Variants in ABCA13 observed in about 807,000 individuals in gnomAD.
ABCA13 encodes ATP binding cassette subfamily A member 13.
A neutral mutation model predicts 478.7 loss-of-function variants in ABCA13; 476 were observed. The observed-to-expected ratio is 0.99, with a 90% confidence interval of 0.92 to 1.07. The LOEUF is 1.07. Ranked by LOEUF, ABCA13 falls within the 50% of genes least tolerant of loss-of-function variation. The pLI is 0.00. For missense variants in ABCA13, 6,060 were observed against 5,910.6 expected, an observed-to-expected ratio of 1.03 and a Z score of -0.83; for synonymous variants, 2,252 against 2,158.9, an observed-to-expected ratio of 1.04 and a Z score of -1.20.
chr7:48,519,574 G>A (rs1832385164), intron 52 of ABCA13, among the ~76,000 whole-genome samples: 1 of 152,202 alleles, frequency 6.6e-6, no homozygotes, highest in Admixed American at 6.5e-5. Flanking sequence ...CTGTTGGAGC[G>A]AGGGGGATGT....
At chr7:48,290,633 G>A (rs1302736605) in intron 20 of ABCA13, among the ~76,000 whole-genome samples, 1 of 152,114 alleles carries the variant, frequency 6.6e-6, no homozygotes, top group Non-Finnish European at 1.5e-5. Context: ...AACATCCATA[G>A]CAGGAATATT....
intron 48 of ABCA13, among the ~76,000 whole-genome samples, chr7:48,498,239 T>C (rs1334282474): frequency 1.3e-5 from 2 of 152,188 alleles, no homozygotes; most frequent in Admixed American, 1.3e-4. Flanking sequence ...GGTGTTTGCC[T>C]AGAGTAAGGC....
intron 41 of ABCA13, among the ~76,000 whole-genome samples, chr7:48,414,608 A>G (rs1819720468): frequency 6.6e-6 from 1 of 150,510 alleles, no homozygotes; most frequent in Admixed American, 6.6e-5. Context: ...ATATACATAT[A>G]TTACATGTAA....
At chr7:48,333,094 T>C (rs1456485320) in intron 27 of ABCA13, among the ~76,000 whole-genome samples, 2 of 152,182 alleles carry the variant, frequency 1.3e-5, no homozygotes, top group African/African-American at 4.8e-5. Context: ...ATTTTTATTA[T>C]TGTCCTATAG....
intron 55 of ABCA13, among the ~76,000 whole-genome samples, chr7:48,552,113 T>G (rs1785380808): frequency 6.6e-6 from 1 of 151,862 alleles, no homozygotes; most frequent in South Asian, 2.1e-4. Flanking sequence ...AGAAAATAAT[T>G]TTGGTTTCCT....
intron 41 of ABCA13, among the ~76,000 whole-genome samples, chr7:48,416,940 C>CT (rs34991265): frequency 0.027 from 3,893 of 146,708 alleles, 69 homozygotes; most frequent in African/African-American, 0.053. Context: ...CTGCATATAC[C>CT]TTTTTTTTTT....
chr7:48,435,442 G>T (rs542617816), intron 42 of ABCA13, among the ~76,000 whole-genome samples: 1 of 151,752 alleles, frequency 6.6e-6, no homozygotes, highest in South Asian at 2.1e-4. Context: ...TTTTATACAT[G>T]TAAGACTGTC....
chr7:48,412,815 T>C (rs1262483587), intron 41 of ABCA13, among the ~76,000 whole-genome samples: 1 of 149,642 alleles, frequency 6.7e-6, no homozygotes, highest in African/African-American at 2.5e-5. Flanking sequence ...AGCATTCTTT[T>C]TTTTTGTTTT....
intron 10 of ABCA13, among the ~76,000 whole-genome samples, chr7:48,244,006 A>G (rs1791286482): frequency 6.6e-6 from 1 of 152,112 alleles, no homozygotes; most frequent in African/African-American, 2.4e-5. Flanking sequence ...CACATTATCA[A>G]ACTCATTTTC....
intron 55 of ABCA13, among the ~76,000 whole-genome samples, chr7:48,553,263 G>A (rs1208564224): frequency 6.6e-6 from 1 of 152,130 alleles, no homozygotes; most frequent in East Asian, 1.9e-4. Context: ...GAACAGTGCT[G>A]TGATAAATGT....
intron 60 of ABCA13, among the ~76,000 whole-genome samples, chr7:48,644,269 C>T (rs1020901906): frequency 1.3e-5 from 2 of 152,260 alleles, no homozygotes. Flanking sequence ...GCCCAAGTCC[C>T]AGTGTAAAAC....
intron 1 of ABCA13, among the ~76,000 whole-genome samples, chr7:48,183,535 A>G (rs575373585): frequency 3.3e-5 from 5 of 152,292 alleles, no homozygotes; most frequent in African/African-American, 1.2e-4. Context: ...TGGTTATGCA[A>G]ACGAACTACT....
chr7:48,591,404 A>T (rs2131417600), intron 57 of ABCA13, among the ~76,000 whole-genome samples: 1 of 152,088 alleles, frequency 6.6e-6, no homozygotes, highest in East Asian at 1.9e-4. Flanking sequence ...GAAAATAGGA[A>T]ATGTGAGGCC....
chr7:48,461,593 C>T (rs938129399), intron 43 of ABCA13, among the ~76,000 whole-genome samples: 1 of 152,124 alleles, frequency 6.6e-6, no homozygotes, highest in African/African-American at 2.4e-5. Flanking sequence ...AATATATATC[C>T]TTCATGCTCT....
intron 55 of ABCA13, among the ~76,000 whole-genome samples, chr7:48,570,025 T>C (rs1787455602): frequency 6.6e-6 from 1 of 152,160 alleles, no homozygotes. Flanking sequence ...TCTTCTAGCA[T>C]AGTTATTCTA....
intron 1 of ABCA13, among the ~76,000 whole-genome samples, chr7:48,172,797 C>CAAAAAAAAAA (rs36196847): frequency 7.9e-5 from 6 of 75,542 alleles, no homozygotes; most frequent in Middle Eastern, 0.011. Flanking sequence ...GACTCCGTCT[C>CAAAAAAAAAA]AAAAAAAAAA....
intron 48 of ABCA13, among the ~76,000 whole-genome samples, chr7:48,497,665 G>T (rs1432924232): frequency 6.6e-6 from 1 of 152,162 alleles, no homozygotes; most frequent in Non-Finnish European, 1.5e-5. Flanking sequence ...CTGCTTTTGT[G>T]CAGATGAGTG....
At chr7:48,278,023 T>G (rs1292556530) in intron 17 of ABCA13, 71 bp from the exon 18 acceptor site, 2 of 498,982 alleles carry the variant, frequency 4.0e-6, no homozygotes, top group African/African-American at 2.0e-5. Context: ...TAAATCACTA[T>G]GTATCTTAAT....
chr7:48,297,209 G>T lies in ABCA13; in HGVS notation c.9120-23G>T, dbSNP rs761164340. ...CTGATGTTTTAGCTTGCCTAATTTA[G>T]CTTTAATTTTCTGCCATTTTAGGTT... On this transcript the variant is annotated intron_variant, in intron 21 of 61. Transcript: ENST00000435803. 7 of 1,574,910 alleles carry T rather than the reference G, an allele frequency of 4.4e-6. No individual in the cohort carries two copies. The East Asian group carries it at 9.1e-5, about 21-fold the overall frequency.
Sources: gnomAD v4.1 joint callset for allele counts (sites outside exome capture counted in the v4.1 genomes callset) on GRCh38, gnomAD v4.1.1 for gene constraint, MANE v1.5 for transcripts, NCBI Gene and HGNC (gene_info 2026-07-23, HGNC 2026-07-21) for gene names.